Variants in LRRTM3 observed in about 807,000 individuals in gnomAD.
The protein encoded by LRRTM3 is leucine-rich repeat transmembrane neuronal protein 3.
A neutral mutation model predicts 44.7 loss-of-function variants in LRRTM3; 24 were observed. The observed-to-expected ratio is 0.54, with a 90% CI of 0.39 to 0.76. The LOEUF (loss-of-function observed/expected upper bound fraction) is 0.76, where lower values mean the gene tolerates loss of function less well. LRRTM3 is among the 30% of genes least tolerant of loss of function. LRRTM3 has a pLI of 0.00. For synonymous variants in LRRTM3, 277 were observed against 278.7 expected (o/e 0.99, Z 0.06); for missense variants, 587 against 702.2 (o/e 0.84, Z 1.85).
chr10:67,046,130 C>T (rs556160331), intron 2 of LRRTM3, among the ~76,000 whole-genome samples: 3 of 152,088 alleles, frequency 2.0e-5, no homozygotes, highest in Non-Finnish European at 2.9e-5. Flanking sequence ...AGTCTGGACT[C>T]GGTTATCCAC....
At chr10:66,933,762 T>C (rs1277652691) in intron 2 of LRRTM3, among the ~76,000 whole-genome samples, 1 of 152,210 alleles carries the variant, frequency 6.6e-6, no homozygotes, top group Non-Finnish European at 1.5e-5. Context: ...TTATATGTCA[T>C]TGCTTATGCA....
intron 2 of LRRTM3, among the ~76,000 whole-genome samples, chr10:66,963,125 T>C (rs1849209910): frequency 6.6e-6 from 1 of 152,336 alleles, no homozygotes; most frequent in East Asian, 1.9e-4. Flanking sequence ...AATGTGATGC[T>C]TGAAATAAAA....
At chr10:66,980,665 T>C (rs930039104) in intron 2 of LRRTM3, among the ~76,000 whole-genome samples, 1 of 152,188 alleles carries the variant, frequency 6.6e-6, no homozygotes, top group Non-Finnish European at 1.5e-5. Flanking sequence ...GAAATAAAAT[T>C]TTGTCACTTC....
chr10:67,057,759 T>C (rs1189622763), intron 2 of LRRTM3, among the ~76,000 whole-genome samples: 4 of 152,118 alleles, frequency 2.6e-5, no homozygotes, highest in African/African-American at 7.2e-5. Flanking sequence ...TCACTCTCTC[T>C]CCCACTCTCA....
intron 2 of LRRTM3, among the ~76,000 whole-genome samples, chr10:67,070,109 T>C (rs948155761): frequency 6.6e-6 from 1 of 152,214 alleles, no homozygotes; most frequent in Non-Finnish European, 1.5e-5. Context: ...TGTAGTATTA[T>C]CACATTTTGA....
chr10:66,983,906 A>G (rs12775004), intron 2 of LRRTM3, among the ~76,000 whole-genome samples: 1,667 of 152,332 alleles, frequency 0.011, 25 homozygotes, highest in African/African-American at 0.038. Context: ...CTCTATGCTA[A>G]GTCCTTTGCA....
At chr10:67,056,771 T>C (rs181021700) in intron 2 of LRRTM3, among the ~76,000 whole-genome samples, 187 of 152,314 alleles carry the variant, frequency 1.2e-3, no homozygotes, top group African/African-American at 4.3e-3. Context: ...ATGACAACTA[T>C]GATATGAATA....
At chr10:66,978,469 G>A (rs1283697723) in intron 2 of LRRTM3, among the ~76,000 whole-genome samples, 12 of 135,700 alleles carry the variant, frequency 8.8e-5, no homozygotes, top group Non-Finnish European at 1.7e-4. Flanking sequence ...GGAGGTTGCA[G>A]TGAGTCTAGA....
chr10:67,058,889 T>C (rs1318687063), intron 2 of LRRTM3, among the ~76,000 whole-genome samples: 1 of 152,170 alleles, frequency 6.6e-6, no homozygotes, highest in African/African-American at 2.4e-5. Flanking sequence ...TTAGTATGAC[T>C]ACACCTGCCT....
At chr10:66,941,995 C>T (rs1016317509) in intron 2 of LRRTM3, among the ~76,000 whole-genome samples, 1 of 152,058 alleles carries the variant, frequency 6.6e-6, no homozygotes, top group Admixed American at 6.6e-5. Flanking sequence ...ATCCACTAGA[C>T]CTGAAGTTAA....
chr10:66,929,420 C>A lies in LRRTM3; in HGVS notation c.1536+968C>A, dbSNP rs1847247912. ...AATGTAGTTAGTAGAATCCTTAGCT[C>A]TGTCCTGTTCTGTTCAGAATTTGTC... On this transcript the variant is annotated intron_variant, in intron 2 of 2. Coordinates refer to ENST00000361320, the MANE Select transcript of LRRTM3 (RefSeq NM_178011.5). Among the ~76,000 whole-genome samples the A allele has an allele frequency of 2.0e-5, 3 of 152,142 alleles. No homozygotes were observed. In the South Asian group the frequency reaches 6.2e-4, roughly 32 times the overall value.
At chr10:67,096,939 TA>T (rs1274991167) in intron 2 of LRRTM3, among the ~76,000 whole-genome samples, 2 of 151,886 alleles carry the variant, frequency 1.3e-5, no homozygotes, top group African/African-American at 2.4e-5. Context: ...ATCTTCATGA[TA>T]AAATAAATAT....
chr10:67,061,415 C>G (rs1855749705), intron 2 of LRRTM3, among the ~76,000 whole-genome samples: 1 of 152,124 alleles, frequency 6.6e-6, no homozygotes, highest in Admixed American at 6.6e-5. Flanking sequence ...ATCAGAGTTC[C>G]TTTATTGTTA....
chr10:67,006,769 C>A (rs1852015587), intron 2 of LRRTM3, among the ~76,000 whole-genome samples: 1 of 150,626 alleles, frequency 6.6e-6, no homozygotes, highest in Non-Finnish European at 1.5e-5. Context: ...CATTTGTTCT[C>A]TTTATTTCCT....
chr10:66,979,348 T>C (rs1850279718), intron 2 of LRRTM3, among the ~76,000 whole-genome samples: 1 of 152,138 alleles, frequency 6.6e-6, no homozygotes, highest in Non-Finnish European at 1.5e-5. Flanking sequence ...GAAAATAGTA[T>C]TCAATTGAGT....
chr10:67,033,832 G>A (rs1853878787), intron 2 of LRRTM3, among the ~76,000 whole-genome samples: 1 of 152,048 alleles, frequency 6.6e-6, no homozygotes, highest in African/African-American at 2.4e-5. Context: ...GTGCAGTGGT[G>A]CGATCTCAGC....
intron 2 of LRRTM3, among the ~76,000 whole-genome samples, chr10:66,984,216 A>G (rs1326928049): frequency 6.6e-6 from 1 of 152,206 alleles, no homozygotes; most frequent in Non-Finnish European, 1.5e-5. Flanking sequence ...TCAACGAATG[A>G]TGACGTTCTT....
chr10:67,013,840 A>G (rs184562726), intron 2 of LRRTM3, among the ~76,000 whole-genome samples: 1 of 152,272 alleles, frequency 6.6e-6, no homozygotes, highest in East Asian at 1.9e-4. Context: ...GAATACAGAA[A>G]AGATACAGGC....
chr10:67,094,063 C>G (rs1292143253), intron 2 of LRRTM3, among the ~76,000 whole-genome samples: 2 of 151,764 alleles, frequency 1.3e-5, no homozygotes, highest in Non-Finnish European at 2.9e-5. Flanking sequence ...ATACCCTAAG[C>G]TGAGAAAGTA....
Sources: gnomAD v4.1 joint callset for allele counts (sites outside exome capture counted in the v4.1 genomes callset) on GRCh38, gnomAD v4.1.1 for gene constraint, MANE v1.5 for transcripts, NCBI Gene and HGNC (gene_info 2026-07-23, HGNC 2026-07-21) for gene names.